MOSPD1: variants seen among roughly 807,000 people sequenced by gnomAD.
The protein encoded by MOSPD1 is motile sperm domain containing 1.
A neutral mutation model predicts 16.7 loss-of-function variants in MOSPD1; 5 were observed. That is an observed-to-expected ratio of 0.30 (90% CI 0.16 to 0.63). The LOEUF is 0.63. MOSPD1 is among the 30% of genes least tolerant of loss of function. The pLI, the probability that MOSPD1 is intolerant of heterozygous loss-of-function variation, is 0.82. For synonymous variants in MOSPD1, 67 were observed against 59.2 expected, an observed-to-expected ratio of 1.13 and a Z score of -0.61; for missense variants, 104 against 153.6, an observed-to-expected ratio of 0.68 and a Z score of 1.71.
At chrX:134,894,636 T>C (rs1051374245) in intron 4 of MOSPD1, among the ~76,000 whole-genome samples, 5 of 111,770 alleles carry the variant, frequency 4.5e-5, no homozygotes, top group African/African-American at 1.6e-4. Context: ...CACATTGGGG[T>C]AACTACCCAT....
intron 1 of MOSPD1, among the ~76,000 whole-genome samples, chrX:134,912,773 A>T (rs1326238980): frequency 3.7e-5 from 4 of 108,924 alleles, no homozygotes; most frequent in African/African-American, 1.3e-4. Context: ...CCCCGTCTCT[A>T]CTAAAAATAC....
chrX:134,899,152 A>T lies in MOSPD1; in HGVS notation c.168T>A (p.Thr56=). ...CATCAACGACAACATACTTATTTGG[A>T]GTAGTACACAAAACTGAAAGAAAAA... ...FALKFKVLCT[T]PNKYVVVDAA... The change falls in exon 3 of 6, where the codon ACT becomes ACA. Residue 56 remains threonine, a synonymous_variant. Coordinates refer to ENST00000370783, the MANE Select transcript of MOSPD1 (RefSeq NM_019556.3). 8.3e-7 allele frequency: 1 copy of T among 1,205,189 alleles called. No homozygotes were observed. Among genetic ancestry groups the T allele is most frequent in the Non-Finnish European group, 1.1e-6 (1 of 891,772 alleles).
intron 5 of MOSPD1, among the ~76,000 whole-genome samples, chrX:134,889,624 G>C (rs2082851387): frequency 9.0e-6 from 1 of 111,369 alleles, no homozygotes; most frequent in South Asian, 3.7e-4. Flanking sequence ...CTTTTGAAGA[G>C]AGAATATATA....
chrX:134,911,767 C>T (rs2082972852), intron 1 of MOSPD1, among the ~76,000 whole-genome samples: 1 of 112,165 alleles, frequency 8.9e-6, no homozygotes, highest in Non-Finnish European at 1.9e-5. Context: ...GTGATCTAAC[C>T]AAGGTACTGC....
intron 3 of MOSPD1, among the ~76,000 whole-genome samples, chrX:134,897,562 A>G (rs2082891573): frequency 1.3e-5 from 1 of 75,483 alleles, no homozygotes; most frequent in South Asian, 5.1e-4. Context: ...AAAAAAAAAA[A>G]AAAAAAGAAA....
intron 1 of MOSPD1, among the ~76,000 whole-genome samples, chrX:134,902,424 T>TAAATAAATAAAA (rs1253264681): frequency 1.2e-4 from 13 of 109,380 alleles, no homozygotes; most frequent in South Asian, 3.8e-4. Context: ...AATAAATAAA[T>TAAATAAATAAAA]AAAACAAAAA....
At chrX:134,911,757 G>A (rs990895334) in intron 1 of MOSPD1, among the ~76,000 whole-genome samples, 4 of 112,116 alleles carry the variant, frequency 3.6e-5, no homozygotes, top group Non-Finnish European at 7.5e-5. Context: ...ATTGGTTCTG[G>A]TGATCTAACC....
At position 134,906,735 on chromosome X, in the gene MOSPD1, G is replaced by A. The variant is rs186934849; in HGVS notation, c.-101-7201C>T. 2.8e-4 allele frequency among the ~76,000 whole-genome samples: 31 copies of A among 111,666 alleles called. No homozygotes were observed. In the East Asian group the frequency reaches 3.4e-3, roughly 12 times the overall value. ...AACTGGTAAAAACTTACTGCAAATC[G>A]GTTTATGAGGTTGCTTTCCAAAAGT... On this transcript the variant is annotated intron_variant, in intron 1 of 5. Coordinates refer to ENST00000370783, the MANE Select transcript of MOSPD1 (RefSeq NM_019556.3).
intron 1 of MOSPD1, among the ~76,000 whole-genome samples, chrX:134,906,345 A>AT (rs764368690): frequency 2.6e-4 from 26 of 99,267 alleles, no homozygotes; most frequent in Admixed American, 5.5e-4. Flanking sequence ...CGCCTGGCTA[A>AT]TTTTTTTTTT....
intron 3 of MOSPD1, among the ~76,000 whole-genome samples, chrX:134,898,827 C>T (rs768669605): frequency 1.8e-5 from 2 of 111,440 alleles, no homozygotes; most frequent in Non-Finnish European, 3.8e-5. Flanking sequence ...TTATAAGCAT[C>T]CCTGGTATGA....
chrX:134,913,065 C>T (rs764621993), intron 1 of MOSPD1, among the ~76,000 whole-genome samples: 11 of 111,128 alleles, frequency 9.9e-5, no homozygotes, highest in African/African-American at 3.3e-4. Context: ...ATTGGGAAAT[C>T]CCTACTAAAA....
At chrX:134,897,546 TAAAAAAAAAAAAAAA>T (rs1221758366) in intron 3 of MOSPD1, among the ~76,000 whole-genome samples, 2 of 57,925 alleles carry the variant, frequency 3.5e-5, no homozygotes, top group Admixed American at 4.5e-4. Context: ...TCTGTCTTAT[TAAAAAAAAAAAAAAA>T]AAAAAAAGAA....
Position 134,896,967 on chromosome X carries a change from A to C in MOSPD1, c.298T>G (p.Ser100Ala). 1 of 1,211,131 alleles carries C rather than the reference A, an allele frequency of 8.3e-7. No individual in the cohort carries two copies. The highest frequency in any genetic ancestry group is 1.7e-5 in the African/African-American group (1 of 57,728). Residue 100 changes from serine to alanine, a missense_variant, in exon 4 of 6, where the codon TCC (serine) becomes GCC (alanine). This residue lies in a region of MOSPD1 where 68 missense variants were observed against 73.1 expected (regional missense o/e 0.93). Coordinates refer to ENST00000370783, the MANE Select transcript of MOSPD1 (RefSeq NM_019556.3). ...AAAGCCTTCCTTTGGCTTTGCTCGGAAACTTGGAGACGGAATTTGTCTATT... is the reference window on the plus strand; with the variant it reads ...AAAGCCTTCCTTTGGCTTTGCTCGGCAACTTGGAGACGGAATTTGTCTATT... Reference protein sequence around the residue: ...GVIDKFRLQVSEQSQRKALGR... With the variant: ...GVIDKFRLQVAEQSQRKALGR...
intron 1 of MOSPD1, among the ~76,000 whole-genome samples, chrX:134,912,312 C>T: frequency 9.0e-6 from 1 of 110,979 alleles, no homozygotes; most frequent in Non-Finnish European, 1.9e-5. Flanking sequence ...CCTCCCAAAG[C>T]TCTGGGATCA....
chrX:134,914,470 G>A (rs1279969646), intron 1 of MOSPD1, among the ~76,000 whole-genome samples: 1 of 111,312 alleles, frequency 9.0e-6, no homozygotes, highest in Non-Finnish European at 1.9e-5. Context: ...CGCTCCATGT[G>A]AAACCGGTCA....
chrX:134,890,074 CAAA>C (rs10691243), intron 5 of MOSPD1, among the ~76,000 whole-genome samples: 1 of 57,007 alleles, frequency 1.8e-5, no homozygotes, highest in Non-Finnish European at 3.2e-5. Context: ...GACTTTATCT[CAAA>C]AAAAAAAAAA....
In MOSPD1 at chrX:134,894,672, T is replaced by C. The variant is rs551763823; in HGVS notation, c.448+2145A>G. ...AAACGGGACATGTTGGCCAGGACTG[T>C]GAATGGGGCTCTGCTGTGGTATCAC... On this transcript the variant is annotated intron_variant, in intron 4 of 5. Coordinates refer to ENST00000370783, the MANE Select transcript of MOSPD1 (RefSeq NM_019556.3). Among the ~76,000 whole-genome samples the C allele has an allele frequency of 3.5e-4, 39 of 111,837 alleles. No homozygotes were observed. In the South Asian group the frequency reaches 0.012, roughly 35 times the overall value.
At chrX:134,908,994 G>T (rs966540960) in intron 1 of MOSPD1, among the ~76,000 whole-genome samples, 43 of 111,333 alleles carry the variant, frequency 3.9e-4, no homozygotes, top group African/African-American at 1.4e-3. Context: ...CAGGCCGGGC[G>T]CGGTGGCTCA....
chrX:134,895,687 C>G (rs757494296), intron 4 of MOSPD1, among the ~76,000 whole-genome samples: 1 of 111,980 alleles, frequency 8.9e-6, no homozygotes, highest in South Asian at 3.8e-4. Context: ...CAAAGGTTCT[C>G]TTTCAGCTTC....
Sources: allele counts gnomAD v4.1 joint callset (sites outside exome capture counted in the v4.1 genomes callset), GRCh38; gene constraint gnomAD v4.1.1; regional missense constraint gnomAD v4.1.1; transcripts MANE v1.5; gene names NCBI Gene and HGNC (gene_info 2026-07-23, HGNC 2026-07-21).